The following IRAG2 variants were observed in gnomAD, a reference collection of about 807,000 sequenced individuals.
IRAG2 encodes lymphoid restricted membrane protein.
IRAG2 carries 45 observed loss-of-function variants against 69.9 expected under a neutral mutation model. The ratio of observed to expected loss-of-function variants is 0.64; its 90% confidence interval spans 0.51 to 0.83. The LOEUF is 0.83. IRAG2 is among the 40% of genes least tolerant of loss of function. The pLI is 0.00. For missense variants in IRAG2, 520 were observed against 587.0 expected (o/e 0.89, Z 1.18); for synonymous variants, 193 against 202.4 (o/e 0.95, Z 0.40).
At chr12:25,041,662 G>GTTTTTTTT (rs201257184) in intron 16 of IRAG2, among the ~76,000 whole-genome samples, 1 of 102,734 alleles carries the variant, frequency 9.7e-6, no homozygotes, top group East Asian at 2.8e-4. Flanking sequence ...GCTAAGTTTT[G>GTTTTTTTT]TTTTTTTTTG....
At chr12:25,056,715 T>C (rs1945278791) in intron 1 of IRAG2, among the ~76,000 whole-genome samples, 1 of 152,220 alleles carries the variant, frequency 6.6e-6, no homozygotes, top group African/African-American at 2.4e-5. Flanking sequence ...TTATATAGTA[T>C]AGAAATTATG....
intron 1 of IRAG2, among the ~76,000 whole-genome samples, chr12:25,057,640 CTTTT>C (rs1945351627): frequency 1.3e-5 from 2 of 152,088 alleles, no homozygotes; most frequent in African/African-American, 4.8e-5. Context: ...CTTTTAACTT[CTTTT>C]TTATTAATGT....
upstream of IRAG2, among the ~76,000 whole-genome samples, chr12:25,050,111 AGT>A (rs1221821078): frequency 1.3e-5 from 2 of 151,728 alleles, no homozygotes; most frequent in African/African-American, 4.8e-5. Context: ...TGGGTGACAG[AGT>A]GAGACTCCGT....
At chr12:25,000,274 C>T (rs1039461788), upstream of IRAG2, among the ~76,000 whole-genome samples, 3 of 152,068 alleles carry the variant, frequency 2.0e-5, no homozygotes, top group Admixed American at 2.0e-4. Flanking sequence ...GGGGAAACCC[C>T]ATCTCTACCA....
chr12:25,086,593 G>A (rs1592055785), intron 10 of IRAG2, among the ~76,000 whole-genome samples: 2 of 152,300 alleles, frequency 1.3e-5, no homozygotes, highest in South Asian at 4.1e-4. Flanking sequence ...AGGGAGCATT[G>A]AGGATAATGG....
At chr12:25,101,154 T>A in intron 15 of IRAG2, 24 bp from the exon 16 acceptor site, 1 of 1,586,042 alleles carries the variant, frequency 6.3e-7, no homozygotes, top group Non-Finnish European at 8.6e-7. Flanking sequence ...TCAATGTAAA[T>A]GTGCTCGTTT....
At position 25,035,555 on chromosome 12, in the gene IRAG2, A is replaced by G. The variant is rs1187562507; in HGVS notation, c.1744-98A>G. Reference sequence around the variant, plus strand: ...GACTATTGAGAACCAAATGACAAGGACAATGACATTAACTCATGAGCATCA... The same window carrying G: ...GACTATTGAGAACCAAATGACAAGGGCAATGACATTAACTCATGAGCATCA... On this transcript the variant is annotated intron_variant, in intron 13 of 38. Transcript: ENST00000636465. 3 of 397,382 alleles carry G rather than the reference A, an allele frequency of 7.5e-6. No individual in the cohort carries two copies. In the Admixed American group the frequency reaches 1.3e-4, roughly 17 times the overall value. 24.6% of individuals were successfully genotyped at this position (397,382 alleles called of 1,614,324 possible).
rs772380116 is a variant in IRAG2 at position 25,104,015 on chromosome 12, G to A, written c.1003G>A (p.Gly335Arg). The change falls in exon 19 of 22, where the codon GGG becomes AGG. Residue 335 changes from glycine to arginine, a missense_variant. Transcript: ENST00000556887. Reference protein sequence around the residue: ...RNIGNAGMVAGMENNDRFSRR... With the variant: ...RNIGNAGMVARMENNDRFSRR... Reference sequence around the variant, plus strand: ...ATTTGAACTTCTACTAAAGGTGGCTGGGATGGAAAATAATGATCGATTCAG... The same window carrying A: ...ATTTGAACTTCTACTAAAGGTGGCTAGGATGGAAAATAATGATCGATTCAG... 6.2e-7 allele frequency: 1 copy of A among 1,613,302 alleles called. No homozygotes were observed. Among genetic ancestry groups the A allele is most frequent in the Non-Finnish European group, 8.5e-7 (1 of 1,179,562 alleles).
upstream of IRAG2, among the ~76,000 whole-genome samples, chr12:25,049,047 A>C (rs1181453828): frequency 1.3e-5 from 2 of 152,138 alleles, no homozygotes; most frequent in African/African-American, 4.8e-5. Flanking sequence ...CAAAGATCAG[A>C]TGGTTGCTGG....
At chr12:25,061,886 G>A (rs1283705179) in intron 2 of IRAG2, among the ~76,000 whole-genome samples, 1 of 152,166 alleles carries the variant, frequency 6.6e-6, no homozygotes, top group Non-Finnish European at 1.5e-5. Context: ...TAGAGAGGAA[G>A]CATTTCAGAA....
At chr12:25,003,091 A>G (rs1029120599), upstream of IRAG2, among the ~76,000 whole-genome samples, 15 of 152,192 alleles carry the variant, frequency 9.9e-5, no homozygotes, top group African/African-American at 3.6e-4. Flanking sequence ...AAGATCAAGT[A>G]AGATTCAGAG....
At chr12:25,096,768 T>G in intron 14 of IRAG2, 142 bp from the exon 15 acceptor site, 1 of 641,870 alleles carries the variant, frequency 1.6e-6, no homozygotes, top group Non-Finnish European at 2.7e-6. Flanking sequence ...TATCATTCAT[T>G]ATTGATCTTT....
intron 10 of IRAG2, among the ~76,000 whole-genome samples, chr12:25,030,575 CG>C (rs1944661593): frequency 6.6e-6 from 1 of 152,014 alleles, no homozygotes. Flanking sequence ...TTAGTAGAGA[CG>C]GGGTTTCCTC....
intron 16 of IRAG2, among the ~76,000 whole-genome samples, chr12:25,043,798 A>G (rs1944769950): frequency 6.6e-6 from 1 of 152,170 alleles, no homozygotes; most frequent in African/African-American, 2.4e-5. Flanking sequence ...ATTTTTTCTA[A>G]TGCATAGTTA....
exon 13 of IRAG2, chr12:25,033,860 G>A (rs139838536): frequency 5.0e-6 from 2 of 399,040 alleles, no homozygotes; most frequent in East Asian, 3.6e-5. Context: ...ATGGGATCCA[G>A]TTGAATGTTA....
intron 13 of IRAG2, 56 bp from the exon 14 acceptor site, chr12:25,089,999 ATC>A (rs1481211432): frequency 2.1e-5 from 32 of 1,555,296 alleles, no homozygotes; most frequent in Non-Finnish European, 2.6e-5. Flanking sequence ...AAACTGAAAC[ATC>A]TGACCACATC....
intron 16 of IRAG2, among the ~76,000 whole-genome samples, chr12:25,040,780 C>T (rs760533860): frequency 6.6e-6 from 1 of 152,166 alleles, no homozygotes; most frequent in Non-Finnish European, 1.5e-5. Flanking sequence ...AGTCTTGATT[C>T]GTACGACATC....
chr12:25,016,632 G>GCC (rs906460020), intron 5 of IRAG2, among the ~76,000 whole-genome samples: 4 of 152,018 alleles, frequency 2.6e-5, no homozygotes, highest in African/African-American at 9.7e-5. Flanking sequence ...GCATGGTGGT[G>GCC]CATGCCTGTA....
intron 1 of IRAG2, among the ~76,000 whole-genome samples, chr12:25,057,433 A>T (rs560181615): frequency 1.7e-4 from 25 of 151,194 alleles, no homozygotes; most frequent in Middle Eastern, 6.8e-3. Context: ...TAATTTTTAA[A>T]TTTTTTGTAG....
Sources: gnomAD v4.1 joint callset for allele counts (sites outside exome capture counted in the v4.1 genomes callset) on GRCh38, gnomAD v4.1.1 for gene constraint, MANE v1.5 for transcripts, NCBI Gene and HGNC (gene_info 2026-07-23, HGNC 2026-07-21) for gene names.